DDX10: variants seen among roughly 807,000 people sequenced by gnomAD.
The protein encoded by DDX10 is probable ATP-dependent RNA helicase DDX10.
A neutral mutation model predicts 104.3 loss-of-function variants in DDX10; 74 were observed. The observed-to-expected ratio is 0.71, with a 90% CI of 0.59 to 0.86. The LOEUF is 0.86. DDX10 is among the 40% of genes least tolerant of loss of function. DDX10 has a pLI of 0.00. For synonymous variants in DDX10, 351 were observed against 353.4 expected (o/e 0.99, Z 0.08); for missense variants, 952 against 1,040.0 (o/e 0.92, Z 1.16).
chr11:108,709,738 AT>A (rs1410291013), intron 10 of DDX10, among the ~76,000 whole-genome samples: 2 of 151,444 alleles, frequency 1.3e-5, no homozygotes, highest in Admixed American at 6.6e-5. Flanking sequence ...TCTTGGTTTA[AT>A]TTTTTCCCCC....
At chr11:108,871,898 A>G (rs1863087298) in intron 16 of DDX10, among the ~76,000 whole-genome samples, 1 of 150,430 alleles carries the variant, frequency 6.6e-6, no homozygotes, top group South Asian at 2.1e-4. Flanking sequence ...ATTGCACTCC[A>G]GCCTGGGCCA....
intron 17 of DDX10, among the ~76,000 whole-genome samples, chr11:108,923,027 ATCT>A: frequency 6.6e-6 from 1 of 152,088 alleles, no homozygotes; most frequent in Non-Finnish European, 1.5e-5. Flanking sequence ...TTCTTTATCC[ATCT>A]TATATATTGG....
At chr11:108,725,721 A>G (rs181712444) in intron 13 of DDX10, among the ~76,000 whole-genome samples, 25 of 152,172 alleles carry the variant, frequency 1.6e-4, no homozygotes, top group Non-Finnish European at 3.5e-4. Context: ...TATTTTGCTA[A>G]TACTTTCTCC....
At chr11:108,675,906 C>A in intron 3 of DDX10, 180 bp downstream of exon 3, 1 of 683,746 alleles carries the variant, frequency 1.5e-6, no homozygotes, top group Non-Finnish European at 2.4e-6. Flanking sequence ...TCCCCAGGTT[C>A]TAGCACAGTG....
chr11:108,720,629 C>G (rs942137060), intron 12 of DDX10, among the ~76,000 whole-genome samples: 1 of 152,076 alleles, frequency 6.6e-6, no homozygotes, highest in Non-Finnish European at 1.5e-5. Flanking sequence ...CTTATTCTGT[C>G]ACCCAGGCCA....
chr11:108,920,779 G>C (rs1014365390), intron 17 of DDX10: 2 of 152,172 alleles, frequency 1.3e-5, no homozygotes, highest in Non-Finnish European at 2.9e-5. Flanking sequence ...CAGCATTATT[G>C]ATATTCCGGC....
chr11:108,672,258 T>C (rs1237876697), intron 1 of DDX10, among the ~76,000 whole-genome samples: 2 of 152,096 alleles, frequency 1.3e-5, no homozygotes, highest in Non-Finnish European at 2.9e-5. Flanking sequence ...TTGCTGGGGA[T>C]TGAAGAGTGT....
At chr11:108,687,836 A>G (rs1369900969) in intron 6 of DDX10, among the ~76,000 whole-genome samples, 3 of 152,218 alleles carry the variant, frequency 2.0e-5, no homozygotes, top group Non-Finnish European at 4.4e-5. Context: ...AGTCATATCT[A>G]AAACCAGTTG....
chr11:108,777,985 A>G (rs2094372363), intron 13 of DDX10, among the ~76,000 whole-genome samples: 1 of 152,176 alleles, frequency 6.6e-6, no homozygotes, highest in African/African-American at 2.4e-5. Flanking sequence ...TCCAACTTAC[A>G]AGGGATGCGA....
In DDX10 at chr11:108,717,846, G is replaced by C. The variant is rs2094293457; in HGVS notation, c.1410+1880G>C. ...GATTTGACTGTACAAATGGGTAAAT[G>C]CTAGCTTGAAAATTAAAAAATGTCT... On this transcript the variant is annotated intron_variant, in intron 11 of 17. Transcript: ENST00000322536. 2.0e-5 allele frequency among the ~76,000 whole-genome samples: 3 copies of C among 152,100 alleles called. No individual in the cohort carries two copies. The South Asian group carries it at 6.2e-4, about 32-fold the overall frequency.
chr11:108,905,540 G>A (rs548359838), intron 16 of DDX10, among the ~76,000 whole-genome samples: 109 of 152,092 alleles, frequency 7.2e-4, no homozygotes, highest in African/African-American at 2.5e-3. Context: ...TGTATCCATC[G>A]TAATCAAAGA....
intron 16 of DDX10, among the ~76,000 whole-genome samples, chr11:108,900,104 C>T (rs1591116948): frequency 6.7e-6 from 1 of 149,110 alleles, no homozygotes; most frequent in South Asian, 2.1e-4. Context: ...AAGAGCAAAA[C>T]TCTGTCTCAA....
At chr11:108,827,460 A>T (rs1339138546) in intron 13 of DDX10, among the ~76,000 whole-genome samples, 1 of 152,098 alleles carries the variant, frequency 6.6e-6, no homozygotes, top group African/African-American at 2.4e-5. Context: ...TTTTTCTCTT[A>T]ATTTACGCAT....
chr11:108,719,104 G>GTTTTTTTTTTTTTTTTTTTTTTTTTTTTT (rs36015980), intron 11 of DDX10, among the ~76,000 whole-genome samples: 1 of 129,530 alleles, frequency 7.7e-6, no homozygotes, highest in Non-Finnish European at 1.6e-5. Context: ...TATGAAGATA[G>GTTTTTTTTTTTTTTTTTTTTTTTTTTTTT]TTTTTTTTTT....
At chr11:108,678,165 G>T (rs1328088601) in intron 4 of DDX10, 150 bp from the exon 5 acceptor site, 2 of 725,112 alleles carry the variant, frequency 2.8e-6, no homozygotes, top group Non-Finnish European at 4.1e-6. Flanking sequence ...TGTGGATATG[G>T]TTCAGAAATA....
chr11:108,829,601 C>T (rs1363141007), intron 13 of DDX10, among the ~76,000 whole-genome samples: 1 of 152,130 alleles, frequency 6.6e-6, no homozygotes, highest in Admixed American at 6.5e-5. Flanking sequence ...AATTAAGTCC[C>T]ATCTATTTAT....
intron 9 of DDX10, among the ~76,000 whole-genome samples, chr11:108,699,036 C>A (rs913866031): frequency 4.6e-5 from 7 of 152,184 alleles, no homozygotes; most frequent in African/African-American, 1.7e-4. Flanking sequence ...TTATCACCTT[C>A]AAATATACTG....
intron 13 of DDX10, among the ~76,000 whole-genome samples, chr11:108,765,003 A>G (rs1177501051): frequency 6.6e-6 from 1 of 152,198 alleles, no homozygotes; most frequent in Non-Finnish European, 1.5e-5. Context: ...TTGCAATTTA[A>G]AATTTATTTC....
At chr11:108,939,618 C>T (rs1324937005) in intron 17 of DDX10, among the ~76,000 whole-genome samples, 2 of 152,174 alleles carry the variant, frequency 1.3e-5, no homozygotes, top group Non-Finnish European at 1.5e-5. Context: ...GTGATTTCCT[C>T]AACTTTCAGA....
Sources: gnomAD v4.1 joint callset for allele counts (sites outside exome capture counted in the v4.1 genomes callset) on GRCh38, gnomAD v4.1.1 for gene constraint, MANE v1.5 for transcripts, NCBI Gene and HGNC (gene_info 2026-07-23, HGNC 2026-07-21) for gene names.